TMOD4: variants seen among roughly 807,000 people sequenced by gnomAD.
TMOD4 encodes the protein tropomodulin-4.
A neutral mutation model predicts 45.4 loss-of-function variants in TMOD4; 34 were observed. The ratio of observed to expected loss-of-function variants is 0.75; its 90% CI spans 0.57 to 1.00. The LOEUF (loss-of-function observed/expected upper bound fraction) is 1.00. TMOD4 is among the 50% of genes least tolerant of loss of function. TMOD4 has a pLI of 0.00. For synonymous variants in TMOD4, 131 were observed against 153.9 expected, an observed-to-expected ratio of 0.85 and a Z score of 1.10; for missense variants, 399 against 437.5, an observed-to-expected ratio of 0.91 and a Z score of 0.78.
In TMOD4 at chr1:151,174,777, G is replaced by A. The variant is rs587594513; in HGVS notation, c.99C>T (p.Cys33=). The A allele has an allele frequency of 1.6e-4, 260 of 1,613,962 alleles. 1 individual carries two copies. The Middle Eastern group carries it at 2.2e-3, about 14-fold the overall frequency. ...CCTCAGGATCCATCTCCTGTAGTTC[G>A]CAGTCCAGCTGCTCTAGCTCCTCGG... ...LSPEELEQLD[C]ELQEMDPENM... is the part of the protein sequence containing the mutation. The change falls in exon 2 of 10, where the codon TGC becomes TGT. Residue 33 remains cysteine, a synonymous_variant. Coordinates refer to ENST00000295314, the MANE Select transcript of TMOD4 (RefSeq NM_013353.3).
Position 151,174,491 on chromosome 1 carries a change from C to T in TMOD4, c.180G>A (p.Thr60=), listed in dbSNP as rs769520615. Residue 60 remains threonine, a synonymous_variant, in exon 3 of 10, where the codon ACG becomes ACA. Transcript: ENST00000295314. ...RQRDQTKKSP[T]GPLDREALLQ... ...AAAGGGCCTCTCGGTCCAGTGGCCC[C>T]GTTGGGCTCTTCTTTGTCTGGTCAC... The T allele has an allele frequency of 1.7e-5, 28 of 1,614,070 alleles. No homozygotes were observed. The highest frequency in any genetic ancestry group is 2.1e-5 in the Non-Finnish European group (25 of 1,180,054).
At chr1:151,175,447 G>T (rs368230180) in intron 1 of TMOD4, 1 of 152,178 alleles carries the variant, frequency 6.6e-6, no homozygotes, top group East Asian at 1.9e-4. Context: ...TTTTATTGTG[G>T]GGGATCAAGA....
intron 3 of TMOD4, 28 bp downstream of exon 3, chr1:151,174,363 C>A: frequency 6.2e-7 from 1 of 1,606,934 alleles, no homozygotes; most frequent in Non-Finnish European, 8.5e-7. Flanking sequence ...TTGGGTTCTA[C>A]GAGGCATGGA....
intron 4 of TMOD4, 81 bp downstream of exon 4, chr1:151,173,418 G>A (rs1404675370): frequency 3.0e-6 from 3 of 988,768 alleles, no homozygotes; most frequent in Admixed American, 1.8e-5. Context: ...CTGGTTGAGG[G>A]CCTTCCTCAC....
intron 4 of TMOD4, among the ~76,000 whole-genome samples, chr1:151,172,798 A>G (rs1467288415): frequency 1.3e-5 from 2 of 151,718 alleles, no homozygotes; most frequent in African/African-American, 2.4e-5. Flanking sequence ...ATGCCTGGCT[A>G]ATTTTTTTTG....
At position 151,171,769 on chromosome 1, in the gene TMOD4, G is replaced by A; in HGVS notation, c.488-6C>T. The stretch of plus-strand genomic sequence containing the variant: ...CTTGTCAGGCTGTACCACACCTGGT[G>A]AATGAGGGCAGGAAGGGAACCCCAA... On this transcript the variant is annotated splice_region_variant and splice_polypyrimidine_tract_variant and intron_variant, in intron 5 of 9. Transcript: ENST00000295314. 1 of 1,613,402 alleles carries A rather than the reference G, an allele frequency of 6.2e-7. No individual in the cohort carries two copies. Among genetic ancestry groups the A allele is most frequent in the Non-Finnish European group, 8.5e-7 (1 of 1,179,774 alleles).
chr1:151,174,877 G>T lies in TMOD4; in HGVS notation c.-2C>A, dbSNP rs911236234. 1.4e-5 allele frequency: 23 copies of T among 1,614,034 alleles called. No individual in the cohort carries two copies. The highest frequency in any genetic ancestry group is 1.7e-5 in the Non-Finnish European group (20 of 1,180,044). ...CAGTTCCTTCTGATATGATGACATG[G>T]TGGCCCCCACCCCCTCCCCACTGTG... is the stretch of plus-strand genomic sequence containing the variant. On this transcript the variant is annotated 5_prime_UTR_variant, in exon 2 of 10. Transcript: ENST00000295314.
intron 1 of TMOD4, 168 bp downstream of exon 1, chr1:151,175,756 G>C (rs1000141052): frequency 6.6e-6 from 1 of 152,188 alleles, no homozygotes; most frequent in Non-Finnish European, 1.5e-5. Context: ...GAGACACATC[G>C]ACAATGTAAA....
chr1:151,170,354 G>A, intron 9 of TMOD4, 165 bp downstream of exon 9: 1 of 1,087,670 alleles, frequency 9.2e-7, no homozygotes, highest in East Asian at 2.4e-5. Context: ...TGGGGCAGGG[G>A]GAGTTTTCTG....
chr1:151,175,284 T>C (rs1460591257), intron 1 of TMOD4: 1 of 169,602 alleles, frequency 5.9e-6, no homozygotes, highest in Non-Finnish European at 1.3e-5. Flanking sequence ...CCAGTTCCTA[T>C]TGAAAGGGGA....
Position 151,171,648 on chromosome 1 carries a change from G to T in TMOD4, c.603C>A (p.Asn201Lys), listed in dbSNP as rs757231199. The change falls in exon 6 of 10, where the codon AAC (asparagine) becomes AAA (lysine). Residue 201 changes from asparagine to lysine, a missense_variant. Physicochemically the swap from Asn to Lys is moderately conservative, Grantham distance 94. Transcript: ENST00000295314. ...RSNDKELEEV[N>K]LNNIQDIPIP... ...AGTCAAATACCTGTATATTATTCAAGTTCACCTCCTCCAGCTCCTTGTCAT... is the reference window on the plus strand; with the variant it reads ...AGTCAAATACCTGTATATTATTCAATTTCACCTCCTCCAGCTCCTTGTCAT... 4.3e-6 allele frequency: 7 copies of T among 1,613,964 alleles called. No homozygotes were observed. In the South Asian group the frequency reaches 6.6e-5, roughly 15 times the overall value.
intron 3 of TMOD4, 151 bp downstream of exon 3, chr1:151,174,240 T>C: frequency 1.3e-6 from 1 of 781,488 alleles, no homozygotes; most frequent in Non-Finnish European, 2.1e-6. Flanking sequence ...AAAAAAGAAC[T>C]GAAGAGTGCA....
Position 151,171,552 on chromosome 1 carries a change from G to A in TMOD4, c.619-12C>T, listed in dbSNP as rs373463476. ...GGTATTGGGATGTCCTATCGGAGGG[G>A]AATAGGAGATGGTGGGCTAAGGGAC... On this transcript the variant is annotated splice_polypyrimidine_tract_variant and intron_variant, in intron 6 of 9. Coordinates refer to ENST00000295314, the MANE Select transcript of TMOD4 (RefSeq NM_013353.3). 235 of 1,613,654 alleles carry A rather than the reference G, an allele frequency of 1.5e-4. 2 individuals are homozygous for A. Among genetic ancestry groups the A allele is most frequent in the Non-Finnish European group, 2.4e-5 (28 of 1,179,722 alleles).
At chr1:151,170,378 C>T (rs892215615) in intron 9 of TMOD4, 141 bp downstream of exon 9, 27 of 1,321,688 alleles carry the variant, frequency 2.0e-5, no homozygotes, top group Non-Finnish European at 2.7e-5. Flanking sequence ...ACTTTCTGAT[C>T]ACTCTTGGGA....
At chr1:151,172,387 G>T in intron 4 of TMOD4, 30 bp from the exon 5 acceptor site, 1 of 1,534,054 alleles carries the variant, frequency 6.5e-7, no homozygotes, top group Non-Finnish European at 9.0e-7. Flanking sequence ...GAGTCACAGG[G>T]AATGAGAAGG....
chr1:151,171,072 T>G lies in TMOD4; in HGVS notation c.727-9A>C. 6.2e-7 allele frequency: 1 copy of G among 1,613,760 alleles called. No homozygotes were observed. Among genetic ancestry groups the G allele is most frequent in the Non-Finnish European group, 8.5e-7 (1 of 1,179,904 alleles). ...AACATGTCAGCCACTGCCTGGGTAG[T>G]AGGGACTTGGGTTAGGATTAGGGAA... On this transcript the variant is annotated splice_polypyrimidine_tract_variant and intron_variant, in intron 7 of 9. Transcript: ENST00000295314.
chr1:151,171,064 C>A lies in TMOD4; in HGVS notation c.727-1G>T. ...TCTCACGCAACATGTCAGCCACTGC[C>A]TGGGTAGTAGGGACTTGGGTTAGGA... On this transcript the variant is annotated splice_acceptor_variant, in intron 7 of 9. Coordinates refer to ENST00000295314, the MANE Select transcript of TMOD4 (RefSeq NM_013353.3). LOFTEE classifies it high-confidence loss of function. 2 of 1,614,032 alleles carry A rather than the reference C, an allele frequency of 1.2e-6. No individual in the cohort carries two copies. The highest frequency in any genetic ancestry group is 1.7e-6 in the Non-Finnish European group (2 of 1,179,974).
At chr1:151,174,001 G>C (rs1036320955) in intron 3 of TMOD4, among the ~76,000 whole-genome samples, 2 of 152,086 alleles carry the variant, frequency 1.3e-5, no homozygotes, top group East Asian at 1.9e-4. Context: ...AGATCACGAG[G>C]TCAGGAGATC....
chr1:151,170,167 TTCTCC>T (rs1282008889), intron 9 of TMOD4, 64 bp from the exon 10 acceptor site: 56 of 1,595,462 alleles, frequency 3.5e-5, no homozygotes, highest in Non-Finnish European at 4.7e-5. Context: ...AAAGGCACTC[TTCTCC>T]TTTCCAGTCC....
Sources: allele counts gnomAD v4.1 joint callset (sites outside exome capture counted in the v4.1 genomes callset), GRCh38; gene constraint gnomAD v4.1.1; transcripts MANE v1.5; gene names NCBI Gene and HGNC (gene_info 2026-07-23, HGNC 2026-07-21).